Variants in NECAB2 observed in about 807,000 individuals in gnomAD.
NECAB2 encodes the protein N-terminal EF-hand calcium binding protein 2, also known as N-terminal EF-hand calcium-binding protein 2.
A neutral mutation model predicts 51.9 loss-of-function variants in NECAB2; 68 were observed. The observed-to-expected ratio is 1.31, with a 90% confidence interval of 1.08 to 1.60. The LOEUF is 1.60. Among genes scored for constraint, NECAB2 ranks in the 40% most tolerant of loss-of-function variants. The pLI is 0.00. For synonymous variants in NECAB2, 329 were observed against 203.5 expected, an observed-to-expected ratio of 1.62 and a Z score of -5.25; for missense variants, 854 against 490.3, an observed-to-expected ratio of 1.74 and a Z score of -7.00.
chr16:83,985,313 C>CAAAAAAAAAAAAAAA (rs71148868), intron 5 of NECAB2, among the ~76,000 whole-genome samples: 2 of 30,192 alleles, frequency 6.6e-5, no homozygotes, highest in African/African-American at 1.4e-4. Context: ...ATCTCTGTCT[C>CAAAAAAAAAAAAAAA]AAAAAAAAAA....
At chr16:83,980,765 G>C in intron 3 of NECAB2, 74 bp from the exon 4 acceptor site, 2 of 1,517,958 alleles carry the variant, frequency 1.3e-6, no homozygotes, top group Non-Finnish European at 1.8e-6. Context: ...TGTGTGTTTC[G>C]CAGGCTGTGC....
At position 83,986,535 on chromosome 16, in the gene NECAB2, C is replaced by T. The variant is rs75956729; in HGVS notation, c.460-3959C>T. ...TGCATTTCTGTATAAGAGATAAAGA[C>T]GGGGTCTTGTTGTGTTGCCCAGGCT... is the stretch of plus-strand genomic sequence containing the variant. On this transcript the variant is annotated intron_variant, in intron 5 of 12. Coordinates refer to ENST00000305202, the MANE Select transcript of NECAB2 (RefSeq NM_019065.3). 1.8e-4 allele frequency among the ~76,000 whole-genome samples: 28 copies of T among 152,184 alleles called. No homozygotes were observed. The East Asian group carries it at 2.5e-3, about 14-fold the overall frequency.
At chr16:83,997,173 T>A (rs1033256230) in intron 8 of NECAB2, 43 bp from the exon 9 acceptor site, 1 of 1,612,858 alleles carries the variant, frequency 6.2e-7, no homozygotes, top group Non-Finnish European at 8.5e-7. Flanking sequence ...CGGGGCGGAG[T>A]GGGGCTCTGG....
intron 5 of NECAB2, among the ~76,000 whole-genome samples, chr16:83,983,857 A>G (rs2084518424): frequency 6.6e-6 from 1 of 152,108 alleles, no homozygotes; most frequent in Admixed American, 6.6e-5. Flanking sequence ...TTTCTACGTA[A>G]AAATAGAATT....
chr16:83,978,449 G>A lies in NECAB2; in HGVS notation c.232G>A (p.Gly78Arg). Reference protein sequence around the residue: ...IFRRADKNDDGKLSLEEFQLF... With the variant: ...IFRRADKNDDRKLSLEEFQLF... ...CTCTGCTTCCTTCCTTGCAGATGAT[G>A]GGAAGCTGTCCTTGGAGGAATTCCA... The change falls in exon 3 of 13, where the codon GGG becomes AGG. Residue 78 changes from glycine (G) to arginine (R), a missense_variant. Physicochemically the swap from Gly to Arg is moderately radical, Grantham distance 125 (BLOSUM62 -2). Coordinates refer to ENST00000305202, the MANE Select transcript of NECAB2 (RefSeq NM_019065.3). The A allele has an allele frequency of 6.2e-7, 1 of 1,613,470 alleles. No individual in the cohort carries two copies. The highest frequency in any genetic ancestry group is 2.2e-5 in the East Asian group (1 of 44,882).
upstream of NECAB2, among the ~76,000 whole-genome samples, chr16:83,967,826 G>C (rs948600498): frequency 1.0e-4 from 15 of 148,214 alleles, no homozygotes; most frequent in Non-Finnish European, 6.0e-5. Context: ...TGAATGGATG[G>C]ATGGATGGGA....
intron 2 of NECAB2, among the ~76,000 whole-genome samples, chr16:83,974,266 C>G (rs1009199426): frequency 1.3e-5 from 2 of 152,208 alleles, no homozygotes; most frequent in African/African-American, 4.8e-5. Flanking sequence ...CGTACCGGCT[C>G]TGGCCTCAGG....
chr16:83,981,881 C>T (rs369841744), intron 5 of NECAB2, among the ~76,000 whole-genome samples: 1 of 152,152 alleles, frequency 6.6e-6, no homozygotes, highest in Non-Finnish European at 1.5e-5. Context: ...GCCACCAGCA[C>T]CCTGAGCTTT....
At chr16:83,983,196 T>C (rs1225758179) in intron 5 of NECAB2, among the ~76,000 whole-genome samples, 1 of 152,222 alleles carries the variant, frequency 6.6e-6, no homozygotes, top group Non-Finnish European at 1.5e-5. Context: ...TAAGTGGTTT[T>C]TGTTTGTAGA....
chr16:83,983,303 C>G (rs2084512279), intron 5 of NECAB2, among the ~76,000 whole-genome samples: 2 of 152,206 alleles, frequency 1.3e-5, no homozygotes, highest in South Asian at 4.1e-4. Context: ...GCCGTTGTCT[C>G]TGCATTCTAA....
intron 3 of NECAB2, among the ~76,000 whole-genome samples, chr16:83,980,259 A>G (rs1372759297): frequency 6.6e-6 from 1 of 152,200 alleles, no homozygotes; most frequent in African/African-American, 2.4e-5. Context: ...CATAGTTCCC[A>G]GCACTGCACC....
At chr16:83,996,709 A>G (rs942127813) in intron 8 of NECAB2, among the ~76,000 whole-genome samples, 1 of 152,164 alleles carries the variant, frequency 6.6e-6, no homozygotes. Context: ...GTGGGGGCTC[A>G]GCCCTGTGTG....
intron 6 of NECAB2, among the ~76,000 whole-genome samples, chr16:83,992,167 G>A (rs376270261): frequency 6.6e-6 from 1 of 151,960 alleles, no homozygotes; most frequent in Non-Finnish European, 1.5e-5. Context: ...CAAGTTGAGA[G>A]TTTCTCAGGA....
upstream of NECAB2, chr16:83,966,343 C>CT (rs539373551): frequency 2.5e-4 from 87 of 351,786 alleles, 1 homozygote; most frequent in East Asian, 4.2e-3. Context: ...TCTCATGCGT[C>CT]TGAGGACTCT....
chr16:83,990,012 G>C (rs2151094614), intron 5 of NECAB2, among the ~76,000 whole-genome samples: 1 of 152,278 alleles, frequency 6.6e-6, no homozygotes, highest in African/African-American at 2.4e-5. Flanking sequence ...CTCCTTGCAG[G>C]AGGAAGGAGG....
chr16:84,001,541 C>T (rs556036495), intron 11 of NECAB2, among the ~76,000 whole-genome samples: 2 of 152,248 alleles, frequency 1.3e-5, no homozygotes, highest in East Asian at 3.9e-4. Flanking sequence ...AGGATGGCCC[C>T]ACTCCTCCTG....
At chr16:83,972,001 C>T in intron 1 of NECAB2, 150 bp from the exon 2 acceptor site, 1 of 1,040,528 alleles carries the variant, frequency 9.6e-7, no homozygotes, top group Admixed American at 2.2e-5. Flanking sequence ...GGATCCCAGC[C>T]CGGGGAGGGG....
intron 8 of NECAB2, among the ~76,000 whole-genome samples, chr16:83,995,801 T>C (rs910821073): frequency 4.6e-5 from 7 of 152,162 alleles, no homozygotes; most frequent in African/African-American, 1.7e-4. Flanking sequence ...AAACTTCCCC[T>C]CCTGCAGGGA....
At chr16:83,971,738 T>C (rs2151084141) in intron 1 of NECAB2, 1 of 242,040 alleles carries the variant, frequency 4.1e-6, no homozygotes, top group African/African-American at 2.3e-5. Flanking sequence ...ACCAGGGGTT[T>C]TGGAAGGACT....
Sources: allele counts gnomAD v4.1 joint callset (sites outside exome capture counted in the v4.1 genomes callset), GRCh38; gene constraint gnomAD v4.1.1; transcripts MANE v1.5; gene names NCBI Gene and HGNC (gene_info 2026-07-23, HGNC 2026-07-21).